The following PCDHGA2 variants were observed in gnomAD, a reference collection of about 807,000 sequenced individuals.
The protein encoded by PCDHGA2 is protocadherin gamma subfamily A, 2, also known as protocadherin gamma-A2.
PCDHGA2 carries 40 observed loss-of-function variants against 59.2 expected under a neutral mutation model. The observed-to-expected ratio is 0.68, with a 90% CI of 0.52 to 0.88. The LOEUF (loss-of-function observed/expected upper bound fraction) is 0.88, where lower values mean the gene tolerates loss of function less well. PCDHGA2 is among the 40% of genes least tolerant of loss of function. The pLI is 0.00. For missense variants in PCDHGA2, 1,226 were observed against 1,204.0 expected (o/e 1.02, Z -0.27); for synonymous variants, 560 against 526.0 (o/e 1.06, Z -0.89).
intron 1 of PCDHGA2, chr5:141,404,679 A>G: frequency 6.2e-7 from 1 of 1,614,096 alleles, no homozygotes; most frequent in Admixed American, 1.7e-5. Flanking sequence ...ACTGGTGTGG[A>G]GCTGGCACCC....
intron 1 of PCDHGA2, chr5:141,356,020 A>G: frequency 6.2e-7 from 1 of 1,613,996 alleles, no homozygotes; most frequent in East Asian, 2.2e-5. Context: ...TGAAGGAGCC[A>G]ATGGAGACGT....
chr5:141,384,739 C>A (rs1484877981), intron 1 of PCDHGA2: 1 of 1,613,938 alleles, frequency 6.2e-7, no homozygotes, highest in African/African-American at 1.3e-5. Context: ...GGCCAGCGAG[C>A]CAGGACTCTT....
At chr5:141,381,826 C>CTTTTTTTTTTTTTTTTTTTTTTTTTT (rs770630741) in intron 1 of PCDHGA2, among the ~76,000 whole-genome samples, 2 of 74,292 alleles carry the variant, frequency 2.7e-5, no homozygotes, top group Non-Finnish European at 4.7e-5. Flanking sequence ...CTTTCTTCTT[C>CTTTTTTTTTTTTTTTTTTTTTTTTTT]TTTTTTTTTT....
At chr5:141,402,919 G>T in intron 1 of PCDHGA2, 1 of 1,572,640 alleles carries the variant, frequency 6.4e-7, no homozygotes, top group Non-Finnish European at 8.6e-7. Flanking sequence ...CGCGCACAGA[G>T]ATCCTTTTGA....
chr5:141,372,860 A>T (rs1224709282), intron 1 of PCDHGA2: 1 of 1,419,644 alleles, frequency 7.0e-7, no homozygotes, highest in African/African-American at 1.4e-5. Context: ...GTTTCAATTC[A>T]TTGATTTAGA....
intron 1 of PCDHGA2, chr5:141,371,298 A>G (rs1767641174): frequency 6.2e-7 from 1 of 1,614,018 alleles, no homozygotes; most frequent in Non-Finnish European, 8.5e-7. Context: ...GGGGGAACTC[A>G]CCACTATTGG....
At chr5:141,392,247 T>C (rs1228504452) in intron 1 of PCDHGA2, 1 of 152,196 alleles carries the variant, frequency 6.6e-6, no homozygotes, top group Non-Finnish European at 1.5e-5. Context: ...TATTTGTTAG[T>C]ATATATTGGA....
intron 1 of PCDHGA2, chr5:141,392,699 T>C: frequency 2.4e-6 from 3 of 1,248,768 alleles, no homozygotes; most frequent in South Asian, 3.3e-5. Context: ...CGACCCCTGT[T>C]TGGAGGCACT....
At position 141,394,450 on chromosome 5, in the gene PCDHGA2, T is replaced by A. The variant is rs188283892; in HGVS notation, c.2424+53055T>A. Reference sequence around the variant, plus strand: ...GGGGACCCGCCCCTCAGCAGCAACATGTCACTGAGCCTGTTCGTGCTGGAC... The same window carrying A: ...GGGGACCCGCCCCTCAGCAGCAACAAGTCACTGAGCCTGTTCGTGCTGGAC... On this transcript the variant is annotated intron_variant, in intron 1 of 3. Transcript: ENST00000394576. 92 of 1,614,228 alleles carry A rather than the reference T, an allele frequency of 5.7e-5. No individual in the cohort carries two copies. The East Asian group carries it at 1.9e-3, about 34-fold the overall frequency.
In PCDHGA2 at chr5:141,338,796, G is replaced by A. The variant is rs910132969; in HGVS notation, c.-176G>A. The A allele has an allele frequency of 2.7e-5, 36 of 1,354,888 alleles. No homozygotes were observed. The highest frequency in any genetic ancestry group is 3.4e-5 in the Non-Finnish European group (36 of 1,059,258). The allele number at this position is 1,354,888 out of a possible 1,614,324, so 83.9% of individuals were successfully genotyped here. On this transcript the variant is annotated 5_prime_UTR_variant, in exon 1 of 4. Coordinates refer to ENST00000394576, the MANE Select transcript of PCDHGA2 (RefSeq NM_018915.4). ...ACGGCTCCCACAGCACAAGGGGGTG[G>A]AGGTTTGGCCCTAAAGCTTCAGGAC... is the stretch of plus-strand genomic sequence containing the variant.
chr5:141,355,915 G>C, intron 1 of PCDHGA2: 2 of 1,613,748 alleles, frequency 1.2e-6, no homozygotes, highest in Non-Finnish European at 1.7e-6. Flanking sequence ...CAACGATAAT[G>C]CTCCCGTGTT....
chr5:141,415,740 GTTTTTTTTTTTTTTT>G (rs57426385), intron 1 of PCDHGA2: 171 of 625,014 alleles, frequency 2.7e-4, no homozygotes, highest in East Asian at 8.8e-4. Flanking sequence ...GTTTATTAAG[GTTTTTTTTTTTTTTT>G]TTTTTTTTTT....
At chr5:141,342,008 TAA>T (rs1327808908) in intron 1 of PCDHGA2, 2 of 154,162 alleles carry the variant, frequency 1.3e-5, no homozygotes, top group Non-Finnish European at 2.9e-5. Flanking sequence ...GGCTTAGTTT[TAA>T]AAATCACATT....
intron 1 of PCDHGA2, chr5:141,393,331 GC>G (rs3214276): frequency 0.09 from 144,732 of 1,613,856 alleles, 7,527 homozygotes; most frequent in African/African-American, 0.18. Flanking sequence ...TACCAGCTCA[GC>G]CCCAATCACC....
chr5:141,339,112 C>T lies in PCDHGA2; in HGVS notation c.141C>T (p.Asn47=), dbSNP rs748650761. The change falls in exon 1 of 4, where the codon AAC becomes AAT. Residue 47 remains asparagine (N), a synonymous_variant. Transcript: ENST00000394576. ...TCGACAGAGGCTCCTTCGTAGGCAA[C>T]ATCGCCAAGGACTTGGGTTTGGAGC... ...EEIDRGSFVG[N]IAKDLGLEPL... The T allele has an allele frequency of 5.0e-6, 8 of 1,614,242 alleles. No homozygotes were observed. The South Asian group carries it at 8.8e-5, about 18-fold the overall frequency.
Position 141,340,174 on chromosome 5 carries a change from C to T in PCDHGA2, c.1203C>T (p.Tyr401=). The part of the protein sequence containing the change: ...PFKLEKSVDN[Y]YRLVTTRALD... Reference sequence around the variant, plus strand: ...AGTTAGAAAAGTCAGTAGACAATTACTACCGACTGGTTACAACCAGAGCCC... The same window carrying T: ...AGTTAGAAAAGTCAGTAGACAATTATTACCGACTGGTTACAACCAGAGCCC... The change falls in exon 1 of 4, where the codon TAC becomes TAT. Residue 401 remains tyrosine, a synonymous_variant. Coordinates refer to ENST00000394576, the MANE Select transcript of PCDHGA2 (RefSeq NM_018915.4). 1 of 1,614,214 alleles carries T rather than the reference C, an allele frequency of 6.2e-7. No individual in the cohort carries two copies. Among genetic ancestry groups the T allele is most frequent in the Non-Finnish European group, 8.5e-7 (1 of 1,180,032 alleles).
rs1414795207 is a variant in PCDHGA2 at position 141,393,033 on chromosome 5, C to T, written c.2424+51638C>T. On this transcript the variant is annotated intron_variant, in intron 1 of 3. Transcript: ENST00000394576. ...TATCGTCTCCAGAGGTAGGACGCAG[C>T]TCTTTGCTCTGAACCCGCGCAGCGG... is the stretch of plus-strand genomic sequence containing the variant. 4.3e-6 allele frequency: 7 copies of T among 1,613,782 alleles called. No individual in the cohort carries two copies. The highest frequency in any genetic ancestry group is 4.0e-5 in the African/African-American group (3 of 75,052).
chr5:141,356,299 G>C (rs1226901970), intron 1 of PCDHGA2: 9 of 1,554,702 alleles, frequency 5.8e-6, no homozygotes, highest in Non-Finnish European at 7.0e-6. Flanking sequence ...TACAGTAATT[G>C]CACTTTTCAA....
intron 1 of PCDHGA2, chr5:141,423,755 G>T (rs1236551808): frequency 9.8e-6 from 5 of 512,508 alleles, no homozygotes; most frequent in Non-Finnish European, 1.3e-5. Flanking sequence ...CTGTTTGGGG[G>T]GGGGGTGGGG....
Sources: allele counts gnomAD v4.1 joint callset (sites outside exome capture counted in the v4.1 genomes callset), GRCh38; gene constraint gnomAD v4.1.1; transcripts MANE v1.5; gene names NCBI Gene and HGNC (gene_info 2026-07-23, HGNC 2026-07-21).